CLEC12A: variants seen among roughly 807,000 people sequenced by gnomAD.
CLEC12A encodes the protein C-type lectin domain family 12 member A, also known as C-type lectin protein CLL-1.
Under a neutral mutation model 26.5 loss-of-function variants are expected in CLEC12A, and 22 were observed. The ratio of observed to expected loss-of-function variants is 0.83; its 90% CI spans 0.59 to 1.19. The LOEUF (loss-of-function observed/expected upper bound fraction) is 1.19. Ranked by LOEUF, CLEC12A falls within the 50% of genes most tolerant of loss-of-function variation. The probability of loss-of-function intolerance (pLI) is 0.00; values close to 1 mark genes in which losing one functional copy is unlikely to be tolerated. For synonymous variants in CLEC12A, 119 were observed against 101.9 expected (o/e 1.17, Z -1.01); for missense variants, 353 against 315.6 (o/e 1.12, Z -0.90).
chr12:9,978,691 G>T (rs192856214), intron 1 of CLEC12A, among the ~76,000 whole-genome samples: 1 of 151,898 alleles, frequency 6.6e-6, no homozygotes, highest in African/African-American at 2.4e-5. Flanking sequence ...TATAAATTCT[G>T]TTTTTGCTTA....
At chr12:9,964,320 T>C (rs2922163) in intron 1 of CLEC12A, among the ~76,000 whole-genome samples, 129,126 of 151,950 alleles carry the variant, frequency 0.85, 55,184 homozygotes, top group Middle Eastern at 0.91. Flanking sequence ...GCATGTAAGG[T>C]GGGGACAGCT....
intron 1 of CLEC12A, among the ~76,000 whole-genome samples, chr12:9,955,683 C>T (rs1325066368): frequency 1.3e-5 from 2 of 152,102 alleles, no homozygotes; most frequent in Non-Finnish European, 2.9e-5. Context: ...TCTCAGTTTT[C>T]CTAAGCAATC....
chr12:9,951,914 A>T (rs1863617391), intron 1 of CLEC12A: 1 of 154,850 alleles, frequency 6.5e-6, no homozygotes, highest in African/African-American at 2.4e-5. Flanking sequence ...TTATATTTGG[A>T]TTTATTTTGC....
chr12:9,996,950 T>C (rs780358815), downstream of CLEC12A: 1 of 1,614,122 alleles, frequency 6.2e-7, no homozygotes, highest in South Asian at 1.1e-5. Flanking sequence ...CCATAGCAGC[T>C]ATCTCCATAA....
Position 9,979,005 on chromosome 12 carries a change from T to C in CLEC12A, c.131T>C (p.Leu44Ser). The C allele has an allele frequency of 6.2e-7, 1 of 1,613,984 alleles. No individual in the cohort carries two copies. ...TCTCATGTATGGCGTCCAGCAGCCT[T>C]GTTTCTGACTCTTCTGTGCCTTCTG... ...APSHVWRPAA[L>S]FLTLLCLLLL... is the part of the protein sequence containing the mutation. The change falls in exon 2 of 6, where the codon TTG becomes TCG. Residue 44 changes from leucine (L) to serine (S), a missense_variant. Physicochemically the swap from Leu to Ser is moderately radical, Grantham distance 145. Coordinates refer to ENST00000304361, the MANE Select transcript of CLEC12A (RefSeq NM_138337.6).
At chr12:10,004,515 A>C in the CLEC12A span, among the ~76,000 whole-genome samples, 1 of 152,012 alleles carries the variant, frequency 6.6e-6, no homozygotes, top group African/African-American at 2.4e-5. Flanking sequence ...CTTGGCGTTC[A>C]GAAGTTCCTC....
At chr12:9,973,133 TCTC>T (rs1864192371) in intron 1 of CLEC12A, among the ~76,000 whole-genome samples, 1 of 152,132 alleles carries the variant, frequency 6.6e-6, no homozygotes. Flanking sequence ...CTCTTACACT[TCTC>T]CTCTTCAATG....
At chr12:9,958,393 A>T (rs1289464181) in intron 1 of CLEC12A, among the ~76,000 whole-genome samples, 1 of 152,176 alleles carries the variant, frequency 6.6e-6, no homozygotes, top group East Asian at 1.9e-4. Context: ...TTACTCTGAG[A>T]AGGAGAATTG....
intron 1 of CLEC12A, among the ~76,000 whole-genome samples, chr12:9,954,491 C>CAA (rs546910635): frequency 0.01 from 1,507 of 145,166 alleles, 26 homozygotes; most frequent in African/African-American, 0.036. Context: ...GATCCTGTCT[C>CAA]AAAAAAAAAA....
the CLEC12A span, among the ~76,000 whole-genome samples, chr12:10,003,778 T>C: frequency 6.6e-6 from 1 of 150,750 alleles, no homozygotes; most frequent in African/African-American, 2.4e-5. Flanking sequence ...TAGCCGGGAG[T>C]GGTGGTGTGC....
intron 1 of CLEC12A, chr12:9,951,384 T>A (rs1863606201): frequency 7.1e-6 from 5 of 702,816 alleles, no homozygotes; most frequent in Non-Finnish European, 1.3e-5. Context: ...ATACCGACAG[T>A]GGGAATGGCT....
intron 1 of CLEC12A, among the ~76,000 whole-genome samples, chr12:9,959,198 C>T (rs1435375109): frequency 1.3e-5 from 2 of 152,150 alleles, no homozygotes; most frequent in East Asian, 3.9e-4. Context: ...CTCCTGTGAT[C>T]CCTGCACTTT....
downstream of CLEC12A, chr12:9,999,117 C>G (rs527322292): frequency 1.3e-6 from 2 of 1,575,364 alleles, no homozygotes; most frequent in South Asian, 2.3e-5. Context: ...CCGAGTACTG[C>G]AACTGAGCTC....
At chr12:9,953,574 CGGGA>C (rs1863683843) in intron 1 of CLEC12A, among the ~76,000 whole-genome samples, 1 of 149,208 alleles carries the variant, frequency 6.7e-6, no homozygotes, top group African/African-American at 2.5e-5. Context: ...CCGCCCCGTC[CGGGA>C]GGGAGGTGGG....
At chr12:9,981,282 C>T (rs1864545497) in intron 4 of CLEC12A, among the ~76,000 whole-genome samples, 2 of 152,130 alleles carry the variant, frequency 1.3e-5, no homozygotes, top group African/African-American at 2.4e-5. Context: ...TTTCTGGTAG[C>T]TTTATTGATT....
At chr12:9,978,280 T>G (rs1222733775) in intron 1 of CLEC12A, among the ~76,000 whole-genome samples, 1 of 28,674 alleles carries the variant, frequency 3.5e-5, no homozygotes, top group Non-Finnish European at 6.8e-5. Flanking sequence ...TAATTCCTGT[T>G]TTTTTTTTAA....
downstream of CLEC12A, among the ~76,000 whole-genome samples, chr12:9,995,988 A>AG (rs1865035856): frequency 6.6e-6 from 1 of 152,158 alleles, no homozygotes; most frequent in Non-Finnish European, 1.5e-5. Flanking sequence ...TGAATCAATC[A>AG]ATCTATGGGT....
chr12:9,971,835 G>C (rs1277210395), intron 1 of CLEC12A, 148 bp downstream of exon 1: 1 of 584,852 alleles, frequency 1.7e-6, no homozygotes, highest in African/African-American at 1.9e-5. Context: ...AAAAGTGTAT[G>C]AACAAAATGA....
At chr12:9,952,591 C>G (rs1216428908) in intron 1 of CLEC12A, 1 of 168,858 alleles carries the variant, frequency 5.9e-6, no homozygotes, top group South Asian at 1.2e-4. Context: ...TCTGCCCGGC[C>G]GCCACCCCGT....
Sources: gnomAD v4.1 joint callset for allele counts (sites outside exome capture counted in the v4.1 genomes callset) on GRCh38, gnomAD v4.1.1 for gene constraint, MANE v1.5 for transcripts, NCBI Gene and HGNC (gene_info 2026-07-23, HGNC 2026-07-21) for gene names.